DGKZ: variants seen among roughly 807,000 people sequenced by gnomAD.
DGKZ encodes the protein DAG kinase zeta.
In DGKZ, 45 loss-of-function variants were observed where a neutral mutation model predicts 142.5. That is an observed-to-expected ratio of 0.32 (90% CI 0.25 to 0.40). The LOEUF is 0.40. DGKZ is among the 10% of genes least tolerant of loss of function. DGKZ has a pLI of 1.00. For missense variants in DGKZ, 755 were observed against 1,306.5 expected, an observed-to-expected ratio of 0.58 and a Z score of 6.51; for synonymous variants, 442 against 527.0, an observed-to-expected ratio of 0.84 and a Z score of 2.21.
exon 31 of DGKZ, chr11:46,379,855 G>A: frequency 6.2e-7 from 1 of 1,610,744 alleles, no homozygotes; most frequent in African/African-American, 1.3e-5. Context: ...GCAGCGGGCT[G>A]AGAAGGCTCA....
rs967084578 is a variant in DGKZ at position 46,352,348 on chromosome 11, TCTC to T, written c.161+4531_161+4533del. Among the ~76,000 whole-genome samples the T allele has an allele frequency of 4.6e-5, 7 of 152,108 alleles. No homozygotes were observed. The East Asian group carries it at 7.7e-4, about 17-fold the overall frequency. ...GTGGGAGGCCGGTGGGCGAGGAGCT[TCTC>T]CTTCCGCCAGTCCACAGGCCCACGG... On this transcript the variant is annotated intron_variant, in intron 1 of 30. Transcript: ENST00000527911.
chr11:46,336,401 T>A (rs1301474634), intron 1 of DGKZ, among the ~76,000 whole-genome samples: 10 of 151,978 alleles, frequency 6.6e-5, no homozygotes, highest in African/African-American at 2.4e-4. Context: ...CTTGTTTGGT[T>A]TAAATGGGTC....
intron 24 of DGKZ, chr11:46,376,853 C>T: frequency 1.6e-6 from 1 of 632,930 alleles, no homozygotes; most frequent in Non-Finnish European, 2.8e-6. Flanking sequence ...GAAGCAAAGG[C>T]ATTCTGGTCA....
At chr11:46,362,253 T>A (rs919766441) in intron 1 of DGKZ, among the ~76,000 whole-genome samples, 2 of 151,724 alleles carry the variant, frequency 1.3e-5, no homozygotes, top group African/African-American at 4.8e-5. Flanking sequence ...GGGTGTGGAG[T>A]GGGCGCTCTG....
chr11:46,378,021 C>T (rs1247800606), intron 25 of DGKZ, 177 bp from the exon 26 acceptor site: 2 of 738,502 alleles, frequency 2.7e-6, no homozygotes, highest in Admixed American at 2.2e-5. Context: ...TCCATGAGGG[C>T]AAGGCCTTCC....
rs146246100 is a variant in DGKZ, at chr11:46,356,712, C to T, written c.161+8892C>T. Among the ~76,000 whole-genome samples, 583 of 152,230 alleles carry T rather than the reference C, an allele frequency of 3.8e-3. 4 individuals are homozygous for T. The highest frequency in any genetic ancestry group is 0.013 in the African/African-American group (554 of 41,510). ...GGTCGAGGGTATGTGCCATGGAACA[C>T]ACTACTGAGTTCAAACCCCAGCACT... is the stretch of plus-strand genomic sequence containing the variant. On this transcript the variant is annotated intron_variant, in intron 1 of 30. Coordinates refer to ENST00000527911, the Ensembl canonical transcript of DGKZ.
chr11:46,373,249 C>A, intron 14 of DGKZ, 148 bp downstream of exon 14: 2 of 782,206 alleles, frequency 2.6e-6, no homozygotes, highest in South Asian at 2.9e-5. Flanking sequence ...ATAGTACTTG[C>A]CTCACAAGAT....
intron 4 of DGKZ, chr11:46,369,194 A>C (rs530311115): frequency 7.2e-5 from 34 of 472,656 alleles, no homozygotes; most frequent in Admixed American, 4.2e-4. Flanking sequence ...AAAACAAAAA[A>C]AAAACAACGA....
At chr11:46,379,938 G>T (rs748812695) in exon 31 of DGKZ, 98 of 1,605,596 alleles carry the variant, frequency 6.1e-5, no homozygotes, top group Non-Finnish European at 8.1e-5. Context: ...ACCAGGAGAC[G>T]GCTGTGTAGC....
chr11:46,360,352 C>CAA (rs759294125), intron 1 of DGKZ, among the ~76,000 whole-genome samples: 1 of 152,076 alleles, frequency 6.6e-6, no homozygotes, highest in Non-Finnish European at 1.5e-5. Flanking sequence ...CCCCCTAAAA[C>CAA]AAAACTCTTT....
intron 4 of DGKZ, chr11:46,368,305 T>C (rs1943557895): frequency 1.6e-6 from 1 of 614,968 alleles, no homozygotes; most frequent in Middle Eastern, 2.5e-4. Context: ...GCCTAGTGGG[T>C]TCGTTGAATA....
upstream of DGKZ, among the ~76,000 whole-genome samples, chr11:46,343,050 G>A (rs759834595): frequency 7.9e-5 from 12 of 152,006 alleles, no homozygotes; most frequent in Non-Finnish European, 1.2e-4. Context: ...CTTGAACCTG[G>A]GAGGCAGAGG....
intron 1 of DGKZ, among the ~76,000 whole-genome samples, chr11:46,334,803 G>C (rs1939934657): frequency 1.3e-5 from 2 of 152,218 alleles, no homozygotes; most frequent in African/African-American, 4.8e-5. Flanking sequence ...CCTGGGGCAG[G>C]AGGAAGTGCA....
rs1565066851 is a variant in DGKZ, at chr11:46,372,730, G to C, written c.1072-41G>C. 1.9e-6 allele frequency: 3 copies of C among 1,610,960 alleles called. No individual in the cohort carries two copies. In the South Asian group the frequency reaches 3.3e-5, roughly 18 times the overall value. ...CACCAGGGCTGGGCCTGAAGCCGGGGTCCCTGTGGGCCTGATTTGCCTCTG... is the reference window on the plus strand; with the variant it reads ...CACCAGGGCTGGGCCTGAAGCCGGGCTCCCTGTGGGCCTGATTTGCCTCTG... On this transcript the variant is annotated intron_variant, in intron 12 of 30. Transcript: ENST00000527911. The surrounding 1 kb of genome is among the most constrained non-coding windows in gnomAD (Gnocchi z 5.9).
At chr11:46,361,680 C>G in intron 1 of DGKZ, 4 of 985,536 alleles carry the variant, frequency 4.1e-6, no homozygotes, top group Non-Finnish European at 4.8e-6. Flanking sequence ...ACCCCAGCTC[C>G]CACCTGCGCC....
At chr11:46,371,510 C>T (rs568864461) in exon 8 of DGKZ, 6 of 1,607,784 alleles carry the variant, frequency 3.7e-6, no homozygotes, top group Non-Finnish European at 5.1e-6. Context: ...TGTCCTGCTT[C>T]ATGCTGCAGC....
intron 1 of DGKZ, among the ~76,000 whole-genome samples, chr11:46,364,033 C>G (rs907190462): frequency 3.3e-5 from 5 of 152,222 alleles, no homozygotes; most frequent in African/African-American, 1.2e-4. Context: ...GAGGATTACA[C>G]GAGATGATAA....
In DGKZ at chr11:46,365,985, A is replaced by T; in HGVS notation, c.162-1306A>T. 3 of 985,262 alleles carry T rather than the reference A, an allele frequency of 3.0e-6. No homozygotes were observed. The South Asian group carries it at 1.4e-4, about 46-fold the overall frequency. The allele number at this position is 985,262 out of a possible 1,614,324, so 61.0% of individuals were successfully genotyped here. ...GGACTCCAGGGCTCCCTAGGGTGCA[A>T]TGGGGGAGAGCATCAGTGCCCCAAC... is the stretch of plus-strand genomic sequence containing the variant. On this transcript the variant is annotated intron_variant, in intron 1 of 30. Coordinates refer to ENST00000527911, the Ensembl canonical transcript of DGKZ.
At chr11:46,366,819 G>C (rs1943345758) in intron 1 of DGKZ, 1 of 1,544,954 alleles carries the variant, frequency 6.5e-7, no homozygotes, top group East Asian at 2.4e-5. Context: ...CGGCGCCTCA[G>C]CCAGCGGCGG....
Sources: allele counts gnomAD v4.1 joint callset (sites outside exome capture counted in the v4.1 genomes callset), GRCh38; gene constraint gnomAD v4.1.1; non-coding constraint Gnocchi (gnomAD v3.1); transcripts MANE v1.5; gene names NCBI Gene and HGNC (gene_info 2026-07-23, HGNC 2026-07-21).